The following TACR3 variants were observed in gnomAD, a reference collection of about 807,000 sequenced individuals.
The protein encoded by TACR3 is tachykinin receptor 3, also known as neuromedin-K receptor.
A neutral mutation model predicts 35.0 loss-of-function variants in TACR3; 34 were observed. The observed-to-expected ratio is 0.97, with a 90% CI of 0.74 to 1.30. TACR3 has a LOEUF of 1.30. TACR3 is among the 50% of genes most tolerant of loss of function. The pLI, the probability that TACR3 is intolerant of heterozygous loss-of-function variation, is 0.00. For synonymous variants in TACR3, 233 were observed against 221.1 expected (o/e 1.05, Z -0.48); for missense variants, 558 against 591.7 (o/e 0.94, Z 0.59).
At chr4:103,632,297 A>ATGAT (rs1578235166) in intron 3 of TACR3, among the ~76,000 whole-genome samples, 1 of 152,174 alleles carries the variant, frequency 6.6e-6, no homozygotes, top group Admixed American at 6.6e-5. Context: ...ATGCCCATCA[A>ATGAT]TGATAGGCTG....
At chr4:103,619,585 T>G (rs1263672620) in intron 3 of TACR3, among the ~76,000 whole-genome samples, 1 of 152,146 alleles carries the variant, frequency 6.6e-6, no homozygotes, top group Non-Finnish European at 1.5e-5. Context: ...GTCGGCATCC[T>G]TGTCTTGTTT....
chr4:103,693,139 C>T (rs1255005440), intron 1 of TACR3, among the ~76,000 whole-genome samples: 1 of 152,084 alleles, frequency 6.6e-6, no homozygotes, highest in Non-Finnish European at 1.5e-5. Flanking sequence ...TATATGCATA[C>T]ATTATATCAT....
chr4:103,634,531 C>G (rs1173985988), intron 3 of TACR3, among the ~76,000 whole-genome samples: 2 of 151,982 alleles, frequency 1.3e-5, no homozygotes, highest in African/African-American at 2.4e-5. Flanking sequence ...TAACAGAATG[C>G]ATTGATATGA....
intron 3 of TACR3, among the ~76,000 whole-genome samples, chr4:103,603,491 G>C (rs200900183): frequency 6.6e-6 from 1 of 152,172 alleles, no homozygotes; most frequent in Admixed American, 6.5e-5. Context: ...CGTTGCTCAC[G>C]CTGGGCGAAC....
intron 2 of TACR3, among the ~76,000 whole-genome samples, chr4:103,658,010 T>G (rs1251527187): frequency 6.6e-6 from 1 of 152,152 alleles, no homozygotes; most frequent in Non-Finnish European, 1.5e-5. Flanking sequence ...ATCCTCATAT[T>G]TCCAATTAAA....
intron 3 of TACR3, among the ~76,000 whole-genome samples, chr4:103,644,443 G>A (rs1427137864): frequency 2.6e-5 from 4 of 151,768 alleles, no homozygotes; most frequent in African/African-American, 9.7e-5. Context: ...AGCATACACT[G>A]CTGGGTTAAA....
At chr4:103,625,732 C>T (rs1724873386) in intron 3 of TACR3, among the ~76,000 whole-genome samples, 1 of 152,118 alleles carries the variant, frequency 6.6e-6, no homozygotes, top group Non-Finnish European at 1.5e-5. Context: ...TATCTAAAGA[C>T]TTTAAATAAC....
intron 3 of TACR3, among the ~76,000 whole-genome samples, chr4:103,637,086 T>C (rs1725210933): frequency 6.6e-6 from 1 of 152,154 alleles, no homozygotes; most frequent in African/African-American, 2.4e-5. Context: ...TAACTCATTT[T>C]ATGAGTCCAG....
chr4:103,625,418 G>C (rs1001243511), intron 3 of TACR3, among the ~76,000 whole-genome samples: 7 of 151,962 alleles, frequency 4.6e-5, no homozygotes, highest in Non-Finnish European at 2.9e-5. Context: ...GTAAGGCAAG[G>C]ATAGACAAAA....
At chr4:103,708,400 T>C (rs1194998524) in intron 1 of TACR3, among the ~76,000 whole-genome samples, 2 of 152,230 alleles carry the variant, frequency 1.3e-5, no homozygotes, top group African/African-American at 4.8e-5. Flanking sequence ...AAACAGGGTC[T>C]GGAGTGGACC....
At chr4:103,687,775 A>G (rs1275223625) in intron 1 of TACR3, among the ~76,000 whole-genome samples, 1 of 152,238 alleles carries the variant, frequency 6.6e-6, no homozygotes, top group Non-Finnish European at 1.5e-5. Context: ...AGAACATTCC[A>G]TGCTCATGTA....
At chr4:103,637,669 T>A (rs556765023) in intron 3 of TACR3, among the ~76,000 whole-genome samples, 1 of 152,330 alleles carries the variant, frequency 6.6e-6, no homozygotes, top group South Asian at 2.1e-4. Flanking sequence ...GCAGATGACA[T>A]GAATTGTATA....
In TACR3 at chr4:103,680,516, TATATATACACATATATATAC is replaced by T. The variant is rs1722024698; in HGVS notation, c.549-22133_549-22114del. 2.0e-5 allele frequency among the ~76,000 whole-genome samples: 3 copies of T among 148,788 alleles called. No homozygotes were observed. In the East Asian group the frequency reaches 5.9e-4, roughly 29 times the overall value. On this transcript the variant is annotated intron_variant, in intron 1 of 4. Coordinates refer to ENST00000304883, the MANE Select transcript of TACR3 (RefSeq NM_001059.3). ...ACATACACACACACACACACACATATATATATACACATATATATACATATATATACACATATATATATCAC... is the reference window on the plus strand; with the variant it reads ...ACATACACACACACACACACACATATATATATATACACATATATATATCAC...
intron 1 of TACR3, among the ~76,000 whole-genome samples, chr4:103,702,812 A>G (rs1262715866): frequency 6.7e-6 from 1 of 150,110 alleles, no homozygotes; most frequent in South Asian, 2.1e-4. Flanking sequence ...CAAAAAACCA[A>G]ACATCACATG....
At chr4:103,639,476 G>C (rs1301044536) in intron 3 of TACR3, among the ~76,000 whole-genome samples, 1 of 151,994 alleles carries the variant, frequency 6.6e-6, no homozygotes, top group Admixed American at 6.6e-5. Context: ...AGCATTGGAA[G>C]ATATACCTAG....
chr4:103,711,282 AG>A (rs1722952240), intron 1 of TACR3, among the ~76,000 whole-genome samples: 1 of 152,204 alleles, frequency 6.6e-6, no homozygotes. Context: ...CACATCAAAA[AG>A]CTTATCCACC....
chr4:103,636,670 A>G (rs1053802327), intron 3 of TACR3, among the ~76,000 whole-genome samples: 2 of 152,068 alleles, frequency 1.3e-5, no homozygotes, highest in Non-Finnish European at 2.9e-5. Context: ...GAAAAGATCA[A>G]CAAAATTGAT....
chr4:103,592,889 C>G (rs1037361702), intron 3 of TACR3, among the ~76,000 whole-genome samples: 6 of 152,176 alleles, frequency 3.9e-5, no homozygotes, highest in Middle Eastern at 3.4e-3. Context: ...TAACTCTTCC[C>G]TAAGGGCCAA....
At chr4:103,602,381 A>C (rs1369039134) in intron 3 of TACR3, among the ~76,000 whole-genome samples, 1 of 152,024 alleles carries the variant, frequency 6.6e-6, no homozygotes, top group African/African-American at 2.4e-5. Context: ...TTCTTCTCTC[A>C]ACTCCTCTAA....
Sources: allele counts gnomAD v4.1 joint callset (sites outside exome capture counted in the v4.1 genomes callset), GRCh38; gene constraint gnomAD v4.1.1; transcripts MANE v1.5; gene names NCBI Gene and HGNC (gene_info 2026-07-23, HGNC 2026-07-21).